Variants in TMEM74 observed in about 807,000 individuals in gnomAD.
The protein encoded by TMEM74 is transmembrane protein 74.
TMEM74 carries 13 observed loss-of-function variants against 18.1 expected under a neutral mutation model. The observed-to-expected ratio is 0.72, with a 90% CI of 0.47 to 1.14. TMEM74 has a LOEUF of 1.14. Among genes scored for constraint, TMEM74 ranks in the 50% most tolerant of loss-of-function variants. TMEM74 has a pLI of 0.00. For synonymous variants in TMEM74, 159 were observed against 146.6 expected (o/e 1.08, Z -0.61); for missense variants, 372 against 375.9 (o/e 0.99, Z 0.09).
rs1813448422 is a variant in TMEM74, at chr8:108,709,015, T to A, written n.120-53578A>T. On this transcript the variant is annotated intron_variant and non_coding_transcript_variant, in intron 1 of 3. Transcript: ENST00000518838. Reference sequence around the variant, plus strand: ...GTCACACCTGTTAGGATGGCTACTATAAAAAAACATAAAAAGCATTGGTGA... The same window carrying A: ...GTCACACCTGTTAGGATGGCTACTAAAAAAAAACATAAAAAGCATTGGTGA... Among the ~76,000 whole-genome samples, 5 of 151,994 alleles carry A rather than the reference T, an allele frequency of 3.3e-5. 1 individual carries two copies. In the South Asian group the frequency reaches 1.0e-3, roughly 32 times the overall value.
intron 1 of TMEM74, among the ~76,000 whole-genome samples, chr8:108,703,278 A>G (rs1813355096): frequency 6.6e-6 from 1 of 152,126 alleles, no homozygotes; most frequent in South Asian, 2.1e-4. Context: ...AGTATTAGAG[A>G]TTCACTTTTT....
chr8:108,726,603 A>G (rs1813641129), intron 1 of TMEM74, among the ~76,000 whole-genome samples: 1 of 152,164 alleles, frequency 6.6e-6, no homozygotes, highest in Non-Finnish European at 1.5e-5. Flanking sequence ...GAATCTTATC[A>G]GTATATTAAA....
intron 1 of TMEM74, among the ~76,000 whole-genome samples, chr8:108,746,016 C>A (rs1481241104): frequency 6.6e-6 from 1 of 152,124 alleles, no homozygotes; most frequent in Non-Finnish European, 1.5e-5. Context: ...ACAGGAATTG[C>A]TCACTCGGGG....
At chr8:108,659,116 G>A (rs1812875010) in intron 1 of TMEM74, among the ~76,000 whole-genome samples, 1 of 152,098 alleles carries the variant, frequency 6.6e-6, no homozygotes, top group African/African-American at 2.4e-5. Flanking sequence ...AAACCAACAA[G>A]TAATTTAACA....
intron 1 of TMEM74, among the ~76,000 whole-genome samples, chr8:108,746,142 C>T (rs1237945320): frequency 2.0e-5 from 3 of 152,116 alleles, no homozygotes; most frequent in Non-Finnish European, 4.4e-5. Context: ...CAACTCCAAA[C>T]TTGATGAGAT....
chr8:108,648,310 T>A (rs896298990), intron 2 of TMEM74, among the ~76,000 whole-genome samples: 1 of 152,072 alleles, frequency 6.6e-6, no homozygotes, highest in African/African-American at 2.4e-5. Context: ...TATGTTTTTA[T>A]GAGCATGAGC....
At chr8:108,617,323 C>T (rs1256666086) in intron 2 of TMEM74, among the ~76,000 whole-genome samples, 3 of 152,094 alleles carry the variant, frequency 2.0e-5, no homozygotes, top group Non-Finnish European at 4.4e-5. Context: ...GGTTGCTCTT[C>T]AGGATCTCCT....
chr8:108,680,530 G>A (rs929443078), intron 1 of TMEM74, among the ~76,000 whole-genome samples: 4 of 152,134 alleles, frequency 2.6e-5, no homozygotes, highest in African/African-American at 9.7e-5. Flanking sequence ...AATAATAAGA[G>A]CTATCTATGA....
At chr8:108,692,906 AACTAGACAGGCAGTAATCCTATTG>A in intron 1 of TMEM74, among the ~76,000 whole-genome samples, 1 of 152,154 alleles carries the variant, frequency 6.6e-6, no homozygotes, top group Non-Finnish European at 1.5e-5. Flanking sequence ...AATACCTGTG[AACTAGACAGGCAGTAATCCTATTG>A]TCAAGGATTA....
At chr8:108,662,643 G>A (rs1344370792) in intron 1 of TMEM74, among the ~76,000 whole-genome samples, 1 of 152,134 alleles carries the variant, frequency 6.6e-6, no homozygotes, top group Non-Finnish European at 1.5e-5. Context: ...AAGCAGTGAT[G>A]AGATTAGGGA....
intron 1 of TMEM74, among the ~76,000 whole-genome samples, chr8:108,660,203 A>T (rs541612060): frequency 6.6e-6 from 1 of 152,256 alleles, no homozygotes; most frequent in South Asian, 2.1e-4. Context: ...TTCACCAGTC[A>T]TCAAAGACTG....
chr8:108,707,737 A>C (rs148620792), intron 1 of TMEM74, among the ~76,000 whole-genome samples: 23 of 152,210 alleles, frequency 1.5e-4, no homozygotes, highest in Non-Finnish European at 3.4e-4. Context: ...AACTCTAAAA[A>C]TCTTAGAAGG....
At position 108,635,592 on chromosome 8, in the gene TMEM74, G is replaced by A. The variant is rs538882052; in HGVS notation, n.264+19701C>T. Among the ~76,000 whole-genome samples the A allele has an allele frequency of 6.6e-5, 10 of 151,938 alleles. No individual in the cohort carries two copies. The South Asian group carries it at 2.1e-3, about 32-fold the overall frequency. ...AGACAAGACAATTCTCATTCACCTCGCCAACACTGGGTTTATTTTTAATAT... is the reference window on the plus strand; with the variant it reads ...AGACAAGACAATTCTCATTCACCTCACCAACACTGGGTTTATTTTTAATAT... On this transcript the variant is annotated intron_variant and non_coding_transcript_variant, in intron 2 of 3. Coordinates refer to the TMEM74 transcript ENST00000518838.
At chr8:108,608,093 T>C (rs899616463) in intron 3 of TMEM74, among the ~76,000 whole-genome samples, 1 of 151,862 alleles carries the variant, frequency 6.6e-6, no homozygotes, top group Non-Finnish European at 1.5e-5. Context: ...CACAAGGTCA[T>C]GATTTCGAGA....
chr8:108,774,862 G>A (rs767329085), downstream of TMEM74, among the ~76,000 whole-genome samples: 2 of 147,790 alleles, frequency 1.4e-5, no homozygotes, highest in South Asian at 2.2e-4. Flanking sequence ...GCCTCCCAAA[G>A]TGTTGTGATT....
At chr8:108,623,352 TCTGCTGG>T (rs1331108172) in intron 2 of TMEM74, among the ~76,000 whole-genome samples, 1 of 152,096 alleles carries the variant, frequency 6.6e-6, no homozygotes, top group Non-Finnish European at 1.5e-5. Flanking sequence ...GGGCACTAGT[TCTGCTGG>T]CTTTTGTTGG....
At chr8:108,731,854 A>C (rs939842183) in intron 1 of TMEM74, among the ~76,000 whole-genome samples, 1 of 150,872 alleles carries the variant, frequency 6.6e-6, no homozygotes, top group African/African-American at 2.4e-5. Flanking sequence ...CAGTTTTCAC[A>C]AAAGGATCTA....
At chr8:108,717,644 C>CTT (rs1813538834) in intron 1 of TMEM74, among the ~76,000 whole-genome samples, 1 of 151,938 alleles carries the variant, frequency 6.6e-6, no homozygotes, top group Non-Finnish European at 1.5e-5. Flanking sequence ...ATTAAGGTGG[C>CTT]TTTACTGGAG....
intron 1 of TMEM74, among the ~76,000 whole-genome samples, chr8:108,746,477 C>T (rs1457908169): frequency 2.6e-5 from 4 of 152,082 alleles, no homozygotes; most frequent in Non-Finnish European, 5.9e-5. Flanking sequence ...AGATTAAGTA[C>T]TAGTACCTCC....
Sources: allele counts gnomAD v4.1 joint callset (sites outside exome capture counted in the v4.1 genomes callset), GRCh38; gene constraint gnomAD v4.1.1; transcripts MANE v1.5; gene names NCBI Gene and HGNC (gene_info 2026-07-23, HGNC 2026-07-21).